The following CORIN variants were observed in gnomAD, a reference collection of about 807,000 sequenced individuals.
CORIN encodes corin, serine peptidase.
A neutral mutation model predicts 125.3 loss-of-function variants in CORIN; 117 were observed. The ratio of observed to expected loss-of-function variants is 0.93; its 90% confidence interval spans 0.80 to 1.09. The LOEUF (loss-of-function observed/expected upper bound fraction) is 1.09, where lower values mean the gene tolerates loss of function less well. CORIN is among the 50% of genes least tolerant of loss of function. The probability of loss-of-function intolerance (pLI) is 0.00; values close to 1 mark genes in which losing one functional copy is unlikely to be tolerated. For synonymous variants in CORIN, 450 were observed against 466.4 expected (o/e 0.96, Z 0.45); for missense variants, 1,253 against 1,306.7 (o/e 0.96, Z 0.63).
chr4:47,820,393 T>A (rs1219744011), intron 1 of CORIN, among the ~76,000 whole-genome samples: 2 of 152,004 alleles, frequency 1.3e-5, no homozygotes, highest in Non-Finnish European at 2.9e-5. Flanking sequence ...GAACCTCAAA[T>A]AAATCCAGGA....
intron 5 of CORIN, among the ~76,000 whole-genome samples, chr4:47,704,089 G>C (rs1164222536): frequency 1.3e-5 from 2 of 152,126 alleles, no homozygotes; most frequent in East Asian, 3.9e-4. Flanking sequence ...GAGGTCTCTG[G>C]ATTCTTTCTC....
intron 4 of CORIN, among the ~76,000 whole-genome samples, chr4:47,744,919 G>A (rs770892723): frequency 2.6e-5 from 4 of 152,092 alleles, no homozygotes; most frequent in African/African-American, 4.8e-5. Flanking sequence ...ACATGGAAAC[G>A]AAGGCCCTCA....
chr4:47,728,178 T>C (rs762657144), intron 5 of CORIN, among the ~76,000 whole-genome samples: 13 of 152,174 alleles, frequency 8.5e-5, no homozygotes, highest in Non-Finnish European at 1.8e-4. Context: ...TAGATTTTCA[T>C]GTGATGATTC....
At chr4:47,631,404 A>T (rs1221646932) in intron 16 of CORIN, among the ~76,000 whole-genome samples, 1 of 151,960 alleles carries the variant, frequency 6.6e-6, no homozygotes, top group Non-Finnish European at 1.5e-5. Context: ...TTCTCCCAGG[A>T]GTGTGAATCC....
At chr4:47,834,768 G>A (rs1021827436) in intron 1 of CORIN, among the ~76,000 whole-genome samples, 11 of 152,042 alleles carry the variant, frequency 7.2e-5, no homozygotes, top group South Asian at 2.1e-4. Context: ...GTTTTTGCTC[G>A]CCAATACTTC....
chr4:47,671,572 G>A (rs910074605), intron 10 of CORIN, among the ~76,000 whole-genome samples: 3 of 151,972 alleles, frequency 2.0e-5, no homozygotes, highest in Admixed American at 6.6e-5. Flanking sequence ...AGGCACATAC[G>A]CCTTATTTTT....
intron 12 of CORIN, among the ~76,000 whole-genome samples, chr4:47,658,347 C>T (rs1363957800): frequency 6.6e-6 from 1 of 152,226 alleles, no homozygotes; most frequent in African/African-American, 2.4e-5. Flanking sequence ...TGTGGCTTTC[C>T]AGGGTTCAGT....
chr4:47,643,308 A>G lies in CORIN; in HGVS notation c.1958-52T>C, dbSNP rs750749056. The G allele has an allele frequency of 2.0e-6, 3 of 1,493,180 alleles. No homozygotes were observed. In the South Asian group the frequency reaches 3.9e-5, roughly 19 times the overall value. 92.5% of individuals were successfully genotyped at this position (1,493,180 alleles called of 1,614,324 possible). On this transcript the variant is annotated intron_variant, in intron 14 of 21. Coordinates refer to ENST00000273857, the MANE Select transcript of CORIN (RefSeq NM_006587.4). ...GGAAAACATTTTAGAAATAAATGTGATTATCACTAACATGCATATCTTCAT... is the reference window on the plus strand; with the variant it reads ...GGAAAACATTTTAGAAATAAATGTGGTTATCACTAACATGCATATCTTCAT...
At chr4:47,683,988 G>A (rs1378002679) in intron 6 of CORIN, 150 bp from the exon 7 acceptor site, 1 of 576,522 alleles carries the variant, frequency 1.7e-6, no homozygotes, top group Non-Finnish European at 3.0e-6. Flanking sequence ...GTGGCACACA[G>A]AGATACAACG....
chr4:47,692,573 C>T (rs1055543570), intron 6 of CORIN, among the ~76,000 whole-genome samples: 5 of 151,764 alleles, frequency 3.3e-5, no homozygotes, highest in Non-Finnish European at 7.4e-5. Flanking sequence ...AAACAAGAGG[C>T]TTTGTATTTA....
chr4:47,721,385 T>G (rs1040209453), intron 5 of CORIN, among the ~76,000 whole-genome samples: 2 of 152,072 alleles, frequency 1.3e-5, no homozygotes, highest in African/African-American at 4.8e-5. Flanking sequence ...TTCTCCTGCC[T>G]CAGACACCCA....
intron 7 of CORIN, chr4:47,682,281 A>T (rs946462915): frequency 2.0e-5 from 3 of 151,996 alleles, no homozygotes; most frequent in Non-Finnish European, 4.4e-5. Flanking sequence ...ATCTCTACTA[A>T]AAATACAAAA....
At chr4:47,688,188 G>C (rs1235892725) in intron 6 of CORIN, among the ~76,000 whole-genome samples, 2 of 152,142 alleles carry the variant, frequency 1.3e-5, no homozygotes, top group Admixed American at 6.5e-5. Flanking sequence ...ACGCAATCCA[G>C]CTTCTAGTAA....
intron 19 of CORIN, among the ~76,000 whole-genome samples, chr4:47,623,117 T>TATATATATACACACACACACAC (rs141525347): frequency 7.4e-6 from 1 of 134,520 alleles, no homozygotes; most frequent in Non-Finnish European, 1.5e-5. Flanking sequence ...TATATATATA[T>TATATATATACACACACACACAC]ACACACACAC....
chr4:47,733,397 A>G (rs565712347), intron 5 of CORIN, among the ~76,000 whole-genome samples: 1 of 152,244 alleles, frequency 6.6e-6, no homozygotes, highest in South Asian at 2.1e-4. Context: ...CCCACAATTC[A>G]ATAGGAGAAA....
intron 16 of CORIN, among the ~76,000 whole-genome samples, chr4:47,628,315 G>T (rs1023957695): frequency 1.3e-4 from 19 of 151,910 alleles, no homozygotes; most frequent in African/African-American, 4.1e-4. Flanking sequence ...CTTTATTGAG[G>T]CATTCTTAAC....
intron 5 of CORIN, among the ~76,000 whole-genome samples, chr4:47,734,913 C>A (rs1408105432): frequency 2.0e-5 from 3 of 152,116 alleles, no homozygotes; most frequent in African/African-American, 7.2e-5. Flanking sequence ...TGCAAAATCA[C>A]CCCTAGTGAA....
intron 5 of CORIN, among the ~76,000 whole-genome samples, chr4:47,728,123 CA>C (rs1727683555): frequency 6.6e-6 from 1 of 152,070 alleles, no homozygotes; most frequent in South Asian, 2.1e-4. Flanking sequence ...ATGAAGCTCA[CA>C]ATGCTATTTA....
At chr4:47,783,859 C>A (rs531768437) in intron 3 of CORIN, among the ~76,000 whole-genome samples, 11 of 152,150 alleles carry the variant, frequency 7.2e-5, no homozygotes, top group African/African-American at 2.4e-4. Context: ...TACACATTGA[C>A]TATACAGCAA....
Sources: allele counts gnomAD v4.1 joint callset (sites outside exome capture counted in the v4.1 genomes callset), GRCh38; gene constraint gnomAD v4.1.1; transcripts MANE v1.5; gene names NCBI Gene and HGNC (gene_info 2026-07-23, HGNC 2026-07-21).